BMPR1B: variants seen among roughly 807,000 people sequenced by gnomAD.
BMPR1B encodes the protein bone morphogenetic protein receptor type-1B.
BMPR1B carries 12 observed loss-of-function variants against 59.1 expected under a neutral mutation model. The observed-to-expected ratio is 0.20, with a 90% confidence interval of 0.13 to 0.33. The LOEUF is 0.33. Among genes scored for constraint, BMPR1B ranks in the 10% least tolerant of loss-of-function variants. The pLI is 1.00. For missense variants in BMPR1B, 550 were observed against 610.9 expected (o/e 0.90, Z 1.05); for synonymous variants, 237 against 207.3 (o/e 1.14, Z -1.23).
intron 2 of BMPR1B, among the ~76,000 whole-genome samples, chr4:94,918,825 C>T (rs1344475835): frequency 1.3e-5 from 2 of 152,112 alleles, no homozygotes; most frequent in Non-Finnish European, 2.9e-5. Context: ...CTATATTACT[C>T]TTATTATATG....
chr4:95,103,465 G>T, intron 3 of BMPR1B: 1 of 985,312 alleles, frequency 1.0e-6, no homozygotes, highest in Non-Finnish European at 1.2e-6. Context: ...GACAATTTAT[G>T]CAGTTACATG....
intron 4 of BMPR1B, among the ~76,000 whole-genome samples, chr4:95,109,836 A>G (rs1731492313): frequency 3.3e-5 from 5 of 149,274 alleles, no homozygotes; most frequent in Admixed American, 3.3e-4. Context: ...CATTAGGTGT[A>G]TCTCCTAATG....
intron 10 of BMPR1B, among the ~76,000 whole-genome samples, chr4:95,148,436 A>G (rs1372447077): frequency 1.3e-5 from 2 of 151,718 alleles, no homozygotes; most frequent in Non-Finnish European, 2.9e-5. Flanking sequence ...TTTTTTTAAG[A>G]GATGGCATCT....
rs537760138 is a variant in BMPR1B at position 94,896,068 on chromosome 4, T to A, written c.-113+20168T>A. 1.3e-4 allele frequency among the ~76,000 whole-genome samples: 20 copies of A among 152,146 alleles called. No individual in the cohort carries two copies. In the South Asian group the frequency reaches 4.1e-3, roughly 32 times the overall value. ...AGTAAAACTTTCTACTTCTACAGAT[T>A]TATTTTTCGTTCAATGACGTACTCC... On this transcript the variant is annotated intron_variant, in intron 2 of 12. Coordinates refer to ENST00000515059, the MANE Select transcript of BMPR1B (RefSeq NM_001203.3).
At chr4:95,049,419 G>GTTTTTTTTTTTTTTTTTT (rs761496965) in intron 3 of BMPR1B, among the ~76,000 whole-genome samples, 1 of 77,380 alleles carries the variant, frequency 1.3e-5, no homozygotes, top group African/African-American at 5.2e-5. Context: ...CAGCATAAAA[G>GTTTTTTTTTTTTTTTTTT]TTTTTTTTTT....
chr4:94,983,259 GTTA>G (rs1693898045), intron 2 of BMPR1B, among the ~76,000 whole-genome samples: 1 of 151,580 alleles, frequency 6.6e-6, no homozygotes, highest in African/African-American at 2.4e-5. Flanking sequence ...TTCCCTATTT[GTTA>G]TTATCACATT....
intron 4 of BMPR1B, among the ~76,000 whole-genome samples, chr4:95,110,306 G>GA (rs995099804): frequency 1.3e-5 from 2 of 151,924 alleles, no homozygotes; most frequent in African/African-American, 4.8e-5. Flanking sequence ...TGTAAAAACT[G>GA]AGACAATTTC....
chr4:95,138,298 C>G (rs1051840703), intron 10 of BMPR1B, among the ~76,000 whole-genome samples: 2 of 152,294 alleles, frequency 1.3e-5, no homozygotes, highest in East Asian at 1.9e-4. Flanking sequence ...ATGGGCTTCC[C>G]TTTGTGGCTA....
At chr4:94,787,214 C>T (rs527602574) in intron 1 of BMPR1B, among the ~76,000 whole-genome samples, 46 of 152,208 alleles carry the variant, frequency 3.0e-4, no homozygotes, top group South Asian at 8.3e-4. Flanking sequence ...ATATACTCCA[C>T]GTAGAGGTTT....
intron 7 of BMPR1B, among the ~76,000 whole-genome samples, chr4:95,124,652 T>C (rs1732773719): frequency 6.6e-6 from 1 of 151,982 alleles, no homozygotes; most frequent in South Asian, 2.1e-4. Flanking sequence ...GAAAAGATTT[T>C]AAGGAATAAT....
intron 1 of BMPR1B, among the ~76,000 whole-genome samples, chr4:94,797,680 G>A (rs1460365095): frequency 2.0e-5 from 3 of 152,198 alleles, no homozygotes; most frequent in Non-Finnish European, 1.5e-5. Flanking sequence ...GAATTTGCGT[G>A]TGTGTTTATG....
intron 2 of BMPR1B, among the ~76,000 whole-genome samples, chr4:94,884,525 C>CA (rs141115340): frequency 1.1e-4 from 16 of 150,704 alleles, no homozygotes; most frequent in South Asian, 6.3e-4. Flanking sequence ...GACTCTGTCT[C>CA]AAAAAAAACA....
At chr4:94,818,301 C>G (rs938886389) in intron 1 of BMPR1B, among the ~76,000 whole-genome samples, 1 of 152,068 alleles carries the variant, frequency 6.6e-6, no homozygotes, top group African/African-American at 2.4e-5. Context: ...AGGGGCTCTA[C>G]TAAGTATCTT....
intron 3 of BMPR1B, among the ~76,000 whole-genome samples, chr4:95,043,255 G>A (rs1725800010): frequency 6.7e-6 from 1 of 149,108 alleles, no homozygotes; most frequent in African/African-American, 2.5e-5. Context: ...CCTGTTACTA[G>A]GGTGCAAGTC....
At chr4:94,758,136 C>G (rs1442694784) in intron 1 of BMPR1B, 68 bp downstream of exon 1, 1 of 149,610 alleles carries the variant, frequency 6.7e-6, no homozygotes, top group East Asian at 2.0e-4. Flanking sequence ...GGGAGGCGGC[C>G]GAGCCGGCGA....
At chr4:95,099,983 A>C (rs1730704840) in intron 3 of BMPR1B, among the ~76,000 whole-genome samples, 1 of 152,170 alleles carries the variant, frequency 6.6e-6, no homozygotes, top group South Asian at 2.1e-4. Context: ...TCCCAGTTTA[A>C]ATTTAAAATA....
Position 95,116,421 on chromosome 4 carries a change from G to GCGCACACACACACACACACA in BMPR1B, c.349+635_349+636insGCACACACACACACACACAC. 2.0e-3 allele frequency among the ~76,000 whole-genome samples: 248 copies of GCGCACACACACACACACACA among 123,236 alleles called. 1 individual carries two copies. The highest frequency in any genetic ancestry group is 7.5e-3 in the African/African-American group (208 of 27,844). The allele number at this position is 123,236 out of a possible 152,430, so 80.8% of individuals were successfully genotyped here. ...CTCCTCCTCCATGCTTTCAGCGCGC[G>GCGCACACACACACACACACA]CACACACACACACACACACACACAC... On this transcript the variant is annotated intron_variant, in intron 6 of 12. Transcript: ENST00000515059.
At chr4:94,856,474 G>A (rs1366377666) in intron 1 of BMPR1B, among the ~76,000 whole-genome samples, 1 of 152,168 alleles carries the variant, frequency 6.6e-6, no homozygotes, top group Non-Finnish European at 1.5e-5. Flanking sequence ...CCTGTAAAGG[G>A]CTCAAGGTGG....
chr4:94,880,520 G>A (rs1408220080), intron 2 of BMPR1B, among the ~76,000 whole-genome samples: 1 of 151,794 alleles, frequency 6.6e-6, no homozygotes, highest in Admixed American at 6.6e-5. Flanking sequence ...AGATGGGATT[G>A]TACGGTGTTG....
Sources: gnomAD v4.1 joint callset for allele counts (sites outside exome capture counted in the v4.1 genomes callset) on GRCh38, gnomAD v4.1.1 for gene constraint, MANE v1.5 for transcripts, NCBI Gene and HGNC (gene_info 2026-07-23, HGNC 2026-07-21) for gene names.